CNTNAP4: variants seen among roughly 807,000 people sequenced by gnomAD.
CNTNAP4 encodes the protein contactin-associated protein-like 4.
CNTNAP4 carries 98 observed loss-of-function variants against 148.4 expected under a neutral mutation model. That is an observed-to-expected ratio of 0.66 (90% CI 0.56 to 0.78). CNTNAP4 has a LOEUF of 0.78. CNTNAP4 is among the 30% of genes least tolerant of loss of function. The probability of loss-of-function intolerance (pLI) is 0.00; values close to 1 mark genes in which losing one functional copy is unlikely to be tolerated. For synonymous variants in CNTNAP4, 730 were observed against 565.1 expected (o/e 1.29, Z -4.14); for missense variants, 1,935 against 1,565.6 (o/e 1.24, Z -3.98).
In CNTNAP4 at chr16:76,504,875, T is replaced by C. The variant is rs569206277; in HGVS notation, c.2365+6181T>C. On this transcript the variant is annotated intron_variant, in intron 15 of 23. Coordinates refer to ENST00000611870, the MANE Select transcript of CNTNAP4 (RefSeq NM_033401.5). Reference sequence around the variant, plus strand: ...AAAGATCCTTAGCATCATTAGTTATTAGGAGAATGCAAACTCGTACCACAA... The same window carrying C: ...AAAGATCCTTAGCATCATTAGTTATCAGGAGAATGCAAACTCGTACCACAA... Among the ~76,000 whole-genome samples the C allele has an allele frequency of 1.1e-4, 17 of 152,280 alleles. 1 individual carries two copies. Among genetic ancestry groups the C allele is most frequent in the Admixed American group, 6.5e-4 (10 of 15,298 alleles).
chr16:76,440,951 C>T (rs960341228), intron 4 of CNTNAP4, among the ~76,000 whole-genome samples: 4 of 152,084 alleles, frequency 2.6e-5, no homozygotes, highest in African/African-American at 9.7e-5. Context: ...ACCAGGAAAA[C>T]TGGAATATAT....
At position 76,448,111 on chromosome 16, in the gene CNTNAP4, A is replaced by C. The variant is rs2080317366; in HGVS notation, c.638A>C (p.Lys213Thr). Reference sequence around the variant, plus strand: ...AAAGACATTATTTCTTTGAAATTCAAAACCATGCAGAGTGATGGGATTCTA... The same window carrying C: ...AAAGACATTATTTCTTTGAAATTCACAACCATGCAGAGTGATGGGATTCTA... ...PIKDIISLKFKTMQSDGILLH... is the reference protein window; with the variant it reads ...PIKDIISLKFTTMQSDGILLH... Residue 213 changes from lysine to threonine, a missense_variant, in exon 5 of 24, where the codon AAA becomes ACA. By Grantham distance (78) the Lys-to-Thr change is moderately conservative (BLOSUM62 -1). Coordinates refer to ENST00000611870, the MANE Select transcript of CNTNAP4 (RefSeq NM_033401.5). 1.2e-6 allele frequency: 2 copies of C among 1,613,528 alleles called. No homozygotes were observed. The highest frequency in any genetic ancestry group is 2.7e-5 in the African/African-American group (2 of 74,914).
At chr16:76,406,400 G>T (rs1278413457) in intron 3 of CNTNAP4, among the ~76,000 whole-genome samples, 1 of 151,826 alleles carries the variant, frequency 6.6e-6, no homozygotes, top group South Asian at 2.1e-4. Context: ...CAACAATATT[G>T]AAATTAGACC....
At chr16:76,545,463 C>T (rs970301616) in intron 21 of CNTNAP4, among the ~76,000 whole-genome samples, 10 of 152,092 alleles carry the variant, frequency 6.6e-5, no homozygotes, top group Non-Finnish European at 7.4e-5. Flanking sequence ...GTCATAAGCA[C>T]GTATAGTCAT....
intron 3 of CNTNAP4, among the ~76,000 whole-genome samples, chr16:76,412,884 T>C (rs1439491554): frequency 6.6e-6 from 1 of 151,566 alleles, no homozygotes; most frequent in Non-Finnish European, 1.5e-5. Context: ...CTATGTTATC[T>C]TCCTATAACA....
chr16:76,335,864 A>G (rs981964447), intron 2 of CNTNAP4, among the ~76,000 whole-genome samples: 6 of 152,156 alleles, frequency 3.9e-5, no homozygotes, highest in Non-Finnish European at 8.8e-5. Context: ...TGGGTGTGAG[A>G]TATCAGAATG....
chr16:76,409,658 C>G (rs1316805373), intron 3 of CNTNAP4, among the ~76,000 whole-genome samples: 1 of 151,884 alleles, frequency 6.6e-6, no homozygotes, highest in Non-Finnish European at 1.5e-5. Flanking sequence ...AGGAAGTATT[C>G]TATTGGTATC....
At chr16:76,438,984 A>G (rs1256164758) in intron 4 of CNTNAP4, among the ~76,000 whole-genome samples, 2 of 152,116 alleles carry the variant, frequency 1.3e-5, no homozygotes, top group Non-Finnish European at 2.9e-5. Flanking sequence ...CTACTTTACT[A>G]TATTTTTAAA....
chr16:76,322,407 C>G (rs920062966), intron 2 of CNTNAP4, among the ~76,000 whole-genome samples: 1 of 152,216 alleles, frequency 6.6e-6, no homozygotes, highest in African/African-American at 2.4e-5. Flanking sequence ...CTCTTCCACT[C>G]TCCTTCTTCT....
intron 14 of CNTNAP4, 39 bp from the exon 15 acceptor site, chr16:76,498,528 A>G (rs767843660): frequency 1.3e-6 from 2 of 1,588,934 alleles, no homozygotes; most frequent in Non-Finnish European, 1.7e-6. Context: ...AGGACTATTA[A>G]AAGTTCTTAA....
At chr16:76,356,217 T>A (rs1286560215) in intron 3 of CNTNAP4, among the ~76,000 whole-genome samples, 1 of 152,190 alleles carries the variant, frequency 6.6e-6, no homozygotes, top group African/African-American at 2.4e-5. Context: ...ATTTGTTCCT[T>A]TTATTTCTTC....
chr16:76,357,811 G>T (rs926961278), intron 3 of CNTNAP4, among the ~76,000 whole-genome samples: 1 of 152,086 alleles, frequency 6.6e-6, no homozygotes, highest in Non-Finnish European at 1.5e-5. Context: ...TAATATACCA[G>T]TTAGAATGGC....
chr16:76,336,398 A>G (rs1246987659), intron 2 of CNTNAP4, among the ~76,000 whole-genome samples: 1 of 152,226 alleles, frequency 6.6e-6, no homozygotes, highest in Non-Finnish European at 1.5e-5. Flanking sequence ...CAGAAGGAGC[A>G]TTTACACCAC....
chr16:76,333,345 T>G (rs530796384), intron 2 of CNTNAP4, among the ~76,000 whole-genome samples: 5 of 152,342 alleles, frequency 3.3e-5, no homozygotes, highest in African/African-American at 1.2e-4. Context: ...ACTGAATATT[T>G]CTTCTCTCTG....
intron 1 of CNTNAP4, among the ~76,000 whole-genome samples, chr16:76,305,822 T>G (rs983520546): frequency 2.6e-4 from 40 of 152,256 alleles, no homozygotes; most frequent in Middle Eastern, 3.4e-3. Flanking sequence ...TTCTCCCCAC[T>G]CAAGTAGTCT....
chr16:76,456,241 T>C (rs769464588), intron 8 of CNTNAP4, among the ~76,000 whole-genome samples: 9 of 152,202 alleles, frequency 5.9e-5, no homozygotes, highest in Non-Finnish European at 1.3e-4. Flanking sequence ...AAGACAAAGT[T>C]GTTAGAATGG....
intron 2 of CNTNAP4, among the ~76,000 whole-genome samples, chr16:76,335,177 G>A (rs1221425386): frequency 6.6e-6 from 1 of 152,154 alleles, no homozygotes. Context: ...ATGACAGTTT[G>A]CTGGTTGATC....
At chr16:76,303,923 CTT>C (rs1960232598) in intron 1 of CNTNAP4, among the ~76,000 whole-genome samples, 1 of 152,016 alleles carries the variant, frequency 6.6e-6, no homozygotes, top group Non-Finnish European at 1.5e-5. Context: ...TGATTTCTCT[CTT>C]TCTCTTTGAG....
At chr16:76,340,508 C>T (rs1293738976) in intron 2 of CNTNAP4, among the ~76,000 whole-genome samples, 2 of 152,132 alleles carry the variant, frequency 1.3e-5, no homozygotes, top group Middle Eastern at 3.2e-3. Flanking sequence ...TGGACTTTGC[C>T]CTATCCCTCT....
Sources: allele counts gnomAD v4.1 joint callset (sites outside exome capture counted in the v4.1 genomes callset), GRCh38; gene constraint gnomAD v4.1.1; transcripts MANE v1.5; gene names NCBI Gene and HGNC (gene_info 2026-07-23, HGNC 2026-07-21).